DLC1: variants seen among roughly 807,000 people sequenced by gnomAD.
The protein encoded by DLC1 is DLC1 Rho GTPase activating protein, also known as rho GTPase-activating protein 7.
DLC1 carries 54 observed loss-of-function variants against 140.3 expected under a neutral mutation model. The observed-to-expected ratio is 0.38, with a 90% CI of 0.31 to 0.48. DLC1 has a LOEUF of 0.48. DLC1 is among the 20% of genes least tolerant of loss of function. The pLI is 0.96. For missense variants in DLC1, 2,536 were observed against 1,907.0 expected (o/e 1.33, Z -6.14); for synonymous variants, 986 against 728.1 (o/e 1.35, Z -5.70).
intron 9 of DLC1, 24 bp downstream of exon 9, chr8:13,099,323 C>A (rs775024649): frequency 1.3e-6 from 2 of 1,599,664 alleles, no homozygotes; most frequent in Admixed American, 1.7e-5. Context: ...GCCCCACACC[C>A]GGAGGCAGGA....
At position 13,372,541 on chromosome 8, in the gene DLC1, G is replaced by T. The variant is rs188079358; in HGVS notation, c.1314+21012C>A. Among the ~76,000 whole-genome samples the T allele has an allele frequency of 3.7e-3, 557 of 152,266 alleles. 8 individuals are homozygous for T. Among genetic ancestry groups the T allele is most frequent in the East Asian group, 5.6e-3 (29 of 5,178 alleles). On this transcript the variant is annotated intron_variant, in intron 4 of 17. Transcript: ENST00000276297. ...GCAGAAATCCTTCCTTTAAGTGTTT[G>T]CATTCATCACTGATGAAACACTGGG...
intron 2 of DLC1, among the ~76,000 whole-genome samples, chr8:13,466,219 C>T (rs1563371609): frequency 6.6e-6 from 1 of 152,218 alleles, no homozygotes; most frequent in Non-Finnish European, 1.5e-5. Flanking sequence ...CCATCATCCA[C>T]AGGTCACTTC....
chr8:13,498,983 AT>A (rs1340476802), intron 2 of DLC1, 65 bp downstream of exon 2: 1 of 1,498,178 alleles, frequency 6.7e-7, no homozygotes, highest in Middle Eastern at 1.8e-4. Context: ...AAGCAAAATG[AT>A]AACTGATAAA....
intron 5 of DLC1, among the ~76,000 whole-genome samples, chr8:13,131,550 G>T (rs1480970781): frequency 2.0e-5 from 3 of 151,628 alleles, no homozygotes; most frequent in Non-Finnish European, 4.4e-5. Context: ...CAAGACTGGG[G>T]ATGGGAAAAG....
intron 3 of DLC1, among the ~76,000 whole-genome samples, chr8:13,396,543 G>A (rs1394460210): frequency 6.6e-6 from 1 of 152,062 alleles, no homozygotes; most frequent in Non-Finnish European, 1.5e-5. Context: ...CCTCTACGTG[G>A]AAGTTACCAT....
At chr8:13,352,508 A>C (rs1163446187) in intron 4 of DLC1, among the ~76,000 whole-genome samples, 2 of 151,908 alleles carry the variant, frequency 1.3e-5, no homozygotes, top group African/African-American at 4.8e-5. Flanking sequence ...CGGCCTCGCA[A>C]GTAGCTGGGA....
At chr8:13,224,798 T>C (rs1166763070) in intron 5 of DLC1, among the ~76,000 whole-genome samples, 1 of 152,170 alleles carries the variant, frequency 6.6e-6, no homozygotes, top group African/African-American at 2.4e-5. Flanking sequence ...CTCTTCCTGC[T>C]TCTTCACTGT....
chr8:13,328,096 C>T (rs73216382), intron 4 of DLC1, among the ~76,000 whole-genome samples: 8,159 of 152,184 alleles, frequency 0.054, 272 homozygotes, highest in South Asian at 0.13. Flanking sequence ...GCTGCTGAGG[C>T]GGTCACTAGA....
chr8:13,303,657 C>T (rs575313416), intron 5 of DLC1, among the ~76,000 whole-genome samples: 1 of 152,134 alleles, frequency 6.6e-6, no homozygotes, highest in East Asian at 1.9e-4. Context: ...CGAAAGTTAG[C>T]CTGGTGTGGT....
intron 5 of DLC1, among the ~76,000 whole-genome samples, chr8:13,295,943 T>C (rs1241530374): frequency 1.9e-5 from 1 of 53,688 alleles, no homozygotes; most frequent in Non-Finnish European, 3.8e-5. Flanking sequence ...AGATTCTTTG[T>C]TTTTTTTTTT....
chr8:13,540,481 A>G (rs190625419), intron 1 of DLC1, among the ~76,000 whole-genome samples: 241 of 152,298 alleles, frequency 1.6e-3, no homozygotes, highest in African/African-American at 5.6e-3. Flanking sequence ...TCCGATATTA[A>G]ACAGAAAACC....
intron 1 of DLC1, among the ~76,000 whole-genome samples, chr8:13,591,502 C>T (rs570060989): frequency 6.6e-6 from 1 of 152,086 alleles, no homozygotes; most frequent in Non-Finnish European, 1.5e-5. Flanking sequence ...TTGTAAGTTT[C>T]CTGAGGCCTC....
At chr8:13,404,726 G>A (rs1563319720) in intron 2 of DLC1, among the ~76,000 whole-genome samples, 1 of 151,992 alleles carries the variant, frequency 6.6e-6, no homozygotes, top group Non-Finnish European at 1.5e-5. Context: ...GGCCAGGCAT[G>A]GTGGCTCACG....
chr8:13,419,732 T>A (rs1838228182), intron 2 of DLC1, among the ~76,000 whole-genome samples: 1 of 152,188 alleles, frequency 6.6e-6, no homozygotes, highest in South Asian at 2.1e-4. Flanking sequence ...CCTCATAAAA[T>A]GAGTTAGGGA....
At chr8:13,393,130 A>G (rs560120020) in intron 4 of DLC1, among the ~76,000 whole-genome samples, 24 of 148,832 alleles carry the variant, frequency 1.6e-4, no homozygotes, top group East Asian at 5.8e-4. Flanking sequence ...CAATCAGTCT[A>G]TCTGTCCATC....
chr8:13,373,425 G>A (rs776221461), intron 4 of DLC1, among the ~76,000 whole-genome samples: 1 of 152,096 alleles, frequency 6.6e-6, no homozygotes, highest in Non-Finnish European at 1.5e-5. Context: ...GGACAAAGTT[G>A]TCCTTTCTGG....
intron 1 of DLC1, among the ~76,000 whole-genome samples, chr8:13,572,703 T>C (rs566148855): frequency 6.6e-6 from 1 of 152,342 alleles, no homozygotes; most frequent in African/African-American, 2.4e-5. Context: ...TATGTGGTGA[T>C]ACAGTCTTTC....
chr8:13,337,982 T>C (rs981548551), intron 4 of DLC1, among the ~76,000 whole-genome samples: 1 of 152,204 alleles, frequency 6.6e-6, no homozygotes, highest in African/African-American at 2.4e-5. Flanking sequence ...CTATCATACG[T>C]TGAGTAGTAT....
chr8:13,095,212 A>C lies in DLC1; in HGVS notation c.3201T>G (p.Val1067=), dbSNP rs1285750853. 1 of 1,614,202 alleles carries C rather than the reference A, an allele frequency of 6.2e-7. No homozygotes were observed. Among genetic ancestry groups the C allele is most frequent in the Non-Finnish European group, 8.5e-7 (1 of 1,180,042 alleles). Residue 1067 remains valine (V), a synonymous_variant, in exon 11 of 18, where the codon GTT becomes GTG. Transcript: ENST00000276297. ...AVPKFMKRIK[V]PDYKDRSVFG... is the part of the protein sequence containing the mutation. ...ACACACTCCGGTCCTTGTAGTCTGG[A>C]ACCTTGATCCTCTTCATGAACTTGG... is the stretch of plus-strand genomic sequence containing the variant.
Sources: allele counts gnomAD v4.1 joint callset (sites outside exome capture counted in the v4.1 genomes callset), GRCh38; gene constraint gnomAD v4.1.1; transcripts MANE v1.5; gene names NCBI Gene and HGNC (gene_info 2026-07-23, HGNC 2026-07-21).